The following STAB1 variants were observed in gnomAD, a reference collection of about 807,000 sequenced individuals.
The protein encoded by STAB1 is stabilin-1.
A neutral mutation model predicts 332.4 loss-of-function variants in STAB1; 250 were observed. The observed-to-expected ratio is 0.75, with a 90% confidence interval of 0.68 to 0.84. The LOEUF is 0.84. Among genes scored for constraint, STAB1 ranks in the 40% least tolerant of loss-of-function variants. The pLI is 0.00. For synonymous variants in STAB1, 1,475 were observed against 1,390.4 expected (o/e 1.06, Z -1.35); for missense variants, 3,249 against 3,489.7 (o/e 0.93, Z 1.74).
chr3:52,519,377 G>A lies in STAB1; in HGVS notation c.5148G>A (p.Trp1716Ter), dbSNP rs755524675. The change falls in exon 49 of 69, where the codon TGG becomes TGA. Residue 1716 changes from tryptophan (W) to a stop codon, truncating the protein, a stop_gained. Coordinates refer to ENST00000321725, the MANE Select transcript of STAB1 (RefSeq NM_015136.3). LOFTEE classifies it high-confidence loss of function. ...RVLLPPEALH[W>*]EPDDAPIPRR... ...TGCTGCCCCCCGAGGCGCTGCACTG[G>A]GAGCCTGATGATGCTCCCATCCCGA... The A allele has an allele frequency of 3.1e-6, 5 of 1,612,978 alleles. No homozygotes were observed. The highest frequency in any genetic ancestry group is 4.2e-6 in the Non-Finnish European group (5 of 1,180,006).
chr3:52,514,583 C>G, intron 34 of STAB1, 87 bp downstream of exon 34: 1 of 1,555,192 alleles, frequency 6.4e-7, no homozygotes, highest in East Asian at 2.3e-5. Context: ...AGCTGTGAGC[C>G]TCCAACCTCT....
intron 7 of STAB1, 115 bp from the exon 8 acceptor site, chr3:52,503,229 G>A: frequency 6.7e-7 from 1 of 1,496,510 alleles, no homozygotes; most frequent in Non-Finnish European, 9.1e-7. Context: ...CCTAAGGGGA[G>A]CCTATCCTCA....
In STAB1 at chr3:52,514,689, C is replaced by G; in HGVS notation, c.3679-12C>G. The G allele has an allele frequency of 6.2e-7, 1 of 1,612,998 alleles. No homozygotes were observed. Among genetic ancestry groups the G allele is most frequent in the South Asian group, 1.1e-5 (1 of 91,074 alleles). On this transcript the variant is annotated splice_polypyrimidine_tract_variant and intron_variant, in intron 34 of 68. Coordinates refer to ENST00000321725, the MANE Select transcript of STAB1 (RefSeq NM_015136.3). ...GTAGGTGGGTGGATTCAGCCTCCAT[C>G]CCTCTCCCCAGCCTGAGGTGAACCA...
intron 34 of STAB1, 35 bp from the exon 35 acceptor site, chr3:52,514,666 A>AGGTGG (rs1247239917): frequency 6.2e-7 from 1 of 1,612,362 alleles, no homozygotes; most frequent in East Asian, 2.2e-5. Flanking sequence ...TGAGGGTGGT[A>AGGTGG]GGTGGGTGGA....
chr3:52,507,533 T>C (rs960496255), intron 18 of STAB1, 80 bp from the exon 19 acceptor site: 1 of 1,441,764 alleles, frequency 6.9e-7, no homozygotes, highest in Non-Finnish European at 9.5e-7. Flanking sequence ...TAATCCCCAC[T>C]CAATGTTCCC....
Position 52,514,781 on chromosome 3 carries a change from G to A in STAB1, c.3759G>A (p.Leu1253=). The A allele has an allele frequency of 6.2e-7, 1 of 1,612,944 alleles. No homozygotes were observed. Among genetic ancestry groups the A allele is most frequent in the South Asian group, 1.1e-5 (1 of 91,080 alleles). Reference sequence around the variant, plus strand: ...CGCTGATTGGTCTGTCGGGGGTCCTGACGGTGGGCTCAAGTCGCTGCCTGC... The same window carrying A: ...CGCTGATTGGTCTGTCGGGGGTCCTAACGGTGGGCTCAAGTCGCTGCCTGC... The part of the protein sequence containing the change: ...GRSLIGLSGV[L]TVGSSRCLHS... Residue 1253 remains leucine, a synonymous_variant, in exon 35 of 69, where the codon CTG becomes CTA. Transcript: ENST00000321725.
rs935301106 is a variant in STAB1 at position 52,515,954 on chromosome 3, G to T, written c.3949-89G>T. 1.6e-5 allele frequency: 22 copies of T among 1,419,134 alleles called. No individual in the cohort carries two copies. The African/African-American group carries it at 3.2e-4, about 20-fold the overall frequency. The allele number at this position is 1,419,134 out of a possible 1,614,324, so 87.9% of individuals were successfully genotyped here. ...GGGTTCTGAGGGGTTTTGCTCCATG[G>T]CTCTGTGGCCCCGAGATGCCCCCGT... On this transcript the variant is annotated intron_variant, in intron 37 of 68. Coordinates refer to ENST00000321725, the MANE Select transcript of STAB1 (RefSeq NM_015136.3).
chr3:52,518,376 G>A lies in STAB1; in HGVS notation c.4809+17G>A. 6.2e-7 allele frequency: 1 copy of A among 1,610,872 alleles called. No individual in the cohort carries two copies. The highest frequency in any genetic ancestry group is 8.5e-7 in the Non-Finnish European group (1 of 1,179,278). ...CGCCTCCTGGTGAGTGGCCAGCTTG[G>A]GCCTCTGTGACCTGCAAGTCCCACC... On this transcript the variant is annotated intron_variant, in intron 46 of 68. Transcript: ENST00000321725.
rs760472347 is a variant in STAB1, at chr3:52,501,986, A to G, written c.332-20A>G. On this transcript the variant is annotated intron_variant, in intron 3 of 68. Coordinates refer to ENST00000321725, the MANE Select transcript of STAB1 (RefSeq NM_015136.3). ...GCGGAGGGTTCTGGGCACAGAGCTGAGTACTGTGGGGGTCCACAGAATGCC... is the reference window on the plus strand; with the variant it reads ...GCGGAGGGTTCTGGGCACAGAGCTGGGTACTGTGGGGGTCCACAGAATGCC... 1 of 1,611,098 alleles carries G rather than the reference A, an allele frequency of 6.2e-7. No individual in the cohort carries two copies. Among genetic ancestry groups the G allele is most frequent in the East Asian group, 2.2e-5 (1 of 44,882 alleles).
intron 11 of STAB1, 45 bp downstream of exon 11, chr3:52,504,594 C>T (rs780452613): frequency 6.2e-7 from 1 of 1,612,918 alleles, no homozygotes; most frequent in Non-Finnish European, 8.5e-7. Flanking sequence ...CCCTCACCTC[C>T]TCCCCTGGAT....
Position 52,523,666 on chromosome 3 carries a change from T to C in STAB1, c.7305T>C (p.Val2435=). The part of the protein sequence containing the change: ...SSWAPVAPGT[V]VVSRIIVWDI... Reference sequence around the variant, plus strand: ...TCTCCCTGCAGGCCCCAGGGACAGTTGTGGTTAGCCGTATCATTGTGTGGG... The same window carrying C: ...TCTCCCTGCAGGCCCCAGGGACAGTCGTGGTTAGCCGTATCATTGTGTGGG... Residue 2435 remains valine (V), a synonymous_variant, in exon 66 of 69, where the codon GTT becomes GTC. Transcript: ENST00000321725. 1 of 1,612,900 alleles carries C rather than the reference T, an allele frequency of 6.2e-7. No individual in the cohort carries two copies. Among genetic ancestry groups the C allele is most frequent in the Non-Finnish European group, 8.5e-7 (1 of 1,179,988 alleles).
In STAB1 at chr3:52,512,855, C is replaced by T. The variant is rs748986896; in HGVS notation, c.3055C>T (p.Arg1019Cys). 1.3e-5 allele frequency: 21 copies of T among 1,610,244 alleles called. No individual in the cohort carries two copies. The highest frequency in any genetic ancestry group is 1.5e-5 in the Non-Finnish European group (18 of 1,179,892). ...TGCCGGCATCACGCTTCCTGCCGACCGCCGAGTCACAGCCCTGGTGCCCTC... is the reference window on the plus strand; with the variant it reads ...TGCCGGCATCACGCTTCCTGCCGACTGCCGAGTCACAGCCCTGGTGCCCTC... The part of the protein sequence containing the change: ...KSAGITLPAD[R>C]RVTALVPSEA... Residue 1019 changes from arginine to cysteine, a missense_variant, in exon 29 of 69, where the codon CGC (arginine) becomes TGC (cysteine). Arg to Cys is a radical substitution (Grantham distance 180). Transcript: ENST00000321725.
chr3:52,504,800 A>T lies in STAB1; in HGVS notation c.1301A>T (p.Asp434Val). Residue 434 changes from aspartate (D) to valine (V), a missense_variant, in exon 12 of 69, where the codon GAC becomes GTC. Transcript: ENST00000321725. ...HIIAGQHILEDTRTQQTRRWW... is the reference protein window; with the variant it reads ...HIIAGQHILEVTRTQQTRRWW... ...ATCGCAGGGCAGCACATCCTGGAGG[A>T]CACAAGGACCCAACAAACACGAAGG... 1 of 1,613,860 alleles carries T rather than the reference A, an allele frequency of 6.2e-7. No individual in the cohort carries two copies. Among genetic ancestry groups the T allele is most frequent in the Non-Finnish European group, 8.5e-7 (1 of 1,180,016 alleles).
At chr3:52,519,010 G>T in intron 48 of STAB1, 141 bp downstream of exon 48, 1 of 1,151,770 alleles carries the variant, frequency 8.7e-7, no homozygotes, top group South Asian at 1.6e-5. Flanking sequence ...TCCAGCCCGG[G>T]ACTCCGCCCT....
intron 6 of STAB1, 64 bp from the exon 7 acceptor site, chr3:52,502,935 T>G: frequency 7.0e-7 from 1 of 1,418,564 alleles, no homozygotes. Flanking sequence ...GCAAGGCCCC[T>G]TTGCCCCTGT....
chr3:52,524,481 G>T lies in STAB1; in HGVS notation c.*125G>T. 6.2e-7 allele frequency: 1 copy of T among 1,612,836 alleles called. No homozygotes were observed. On this transcript the variant is annotated 3_prime_UTR_variant, in exon 69 of 69. Coordinates refer to ENST00000321725, the MANE Select transcript of STAB1 (RefSeq NM_015136.3). Reference sequence around the variant, plus strand: ...CAATAAAGGTGCCCTCAGCGGATGTGGGCCATGTCACCAAGGAAGGGGGTC... The same window carrying T: ...CAATAAAGGTGCCCTCAGCGGATGTTGGCCATGTCACCAAGGAAGGGGGTC...
In STAB1 at chr3:52,523,332, G is replaced by A; in HGVS notation, c.7131G>A (p.Val2377=). The A allele has an allele frequency of 6.2e-7, 1 of 1,610,254 alleles. No individual in the cohort carries two copies. The highest frequency in any genetic ancestry group is 8.5e-7 in the Non-Finnish European group (1 of 1,180,002). Residue 2377 remains valine, a synonymous_variant, in exon 64 of 69, where the codon GTG becomes GTA. Transcript: ENST00000321725. ...TLFVPVNEGF[V]DNMTLSGPDL... ...TCGTCCCTGTCAATGAAGGCTTTGTGGACAACATGGTAACCCCCAAGGGTG... is the reference window on the plus strand; with the variant it reads ...TCGTCCCTGTCAATGAAGGCTTTGTAGACAACATGGTAACCCCCAAGGGTG...
intron 25 of STAB1, among the ~76,000 whole-genome samples, chr3:52,511,443 C>T (rs1559694273): frequency 6.6e-6 from 1 of 152,208 alleles, no homozygotes; most frequent in Non-Finnish European, 1.5e-5. Flanking sequence ...CTCTCACCTC[C>T]GTGGACTCAT....
chr3:52,506,593 G>T, intron 17 of STAB1, 99 bp from the exon 18 acceptor site: 1 of 1,345,888 alleles, frequency 7.4e-7, no homozygotes, highest in Non-Finnish European at 9.9e-7. Flanking sequence ...TCACTGAGCT[G>T]CCTGTCTGCT....
Sources: allele counts gnomAD v4.1 joint callset (sites outside exome capture counted in the v4.1 genomes callset), GRCh38; gene constraint gnomAD v4.1.1; transcripts MANE v1.5; gene names NCBI Gene and HGNC (gene_info 2026-07-23, HGNC 2026-07-21).